ITGB6: variants seen among roughly 807,000 people sequenced by gnomAD.
ITGB6 encodes integrin beta-6.
A neutral mutation model predicts 84.5 loss-of-function variants in ITGB6; 80 were observed. The ratio of observed to expected loss-of-function variants is 0.95; its 90% confidence interval spans 0.79 to 1.14. The LOEUF (loss-of-function observed/expected upper bound fraction) is 1.14. Among genes scored for constraint, ITGB6 ranks in the 50% most tolerant of loss-of-function variants. The pLI is 0.00. For missense variants in ITGB6, 1,006 were observed against 968.0 expected (o/e 1.04, Z -0.52); for synonymous variants, 383 against 354.9 (o/e 1.08, Z -0.89).
intron 10 of ITGB6, among the ~76,000 whole-genome samples, chr2:160,137,025 C>T (rs1683761505): frequency 6.9e-6 from 1 of 144,628 alleles, no homozygotes. Context: ...ACATTGTGCA[C>T]ATGTACCCTA....
chr2:160,111,858 G>A (rs1559087908), intron 13 of ITGB6, among the ~76,000 whole-genome samples: 1 of 152,106 alleles, frequency 6.6e-6, no homozygotes, highest in Non-Finnish European at 1.5e-5. Flanking sequence ...GGGATTACAG[G>A]TGTGAGCCAC....
chr2:160,133,086 A>C (rs555342533), intron 10 of ITGB6, among the ~76,000 whole-genome samples: 2 of 152,104 alleles, frequency 1.3e-5, no homozygotes, highest in South Asian at 2.1e-4. Flanking sequence ...TACTTTTCCA[A>C]AGTCATATAC....
intron 4 of ITGB6, among the ~76,000 whole-genome samples, chr2:160,188,618 T>A (rs78963800): frequency 2.0e-5 from 3 of 152,014 alleles, no homozygotes; most frequent in Non-Finnish European, 2.9e-5. Flanking sequence ...TTTTTTTTTT[T>A]TGTTAGATGT....
intron 7 of ITGB6, among the ~76,000 whole-genome samples, chr2:160,147,868 CA>C (rs1684260107): frequency 6.6e-6 from 1 of 151,960 alleles, no homozygotes; most frequent in African/African-American, 2.4e-5. Flanking sequence ...CATAAAACTC[CA>C]AAAAGATAAT....
At chr2:160,180,409 G>A (rs1343718147) in intron 4 of ITGB6, among the ~76,000 whole-genome samples, 1 of 152,144 alleles carries the variant, frequency 6.6e-6, no homozygotes, top group Non-Finnish European at 1.5e-5. Flanking sequence ...GGGACTACAG[G>A]CATGTGCCAC....
At chr2:160,146,870 G>A (rs559788741) in intron 7 of ITGB6, among the ~76,000 whole-genome samples, 10 of 152,162 alleles carry the variant, frequency 6.6e-5, no homozygotes, top group Non-Finnish European at 1.2e-4. Flanking sequence ...GGAGGCTGAG[G>A]TGGGTATATC....
At chr2:160,130,350 A>C (rs181240200) in intron 10 of ITGB6, among the ~76,000 whole-genome samples, 64 of 152,230 alleles carry the variant, frequency 4.2e-4, no homozygotes, top group Non-Finnish European at 7.1e-4. Context: ...TATATACTCT[A>C]TATATACACA....
At chr2:160,126,324 G>A in intron 11 of ITGB6, 55 bp downstream of exon 11, 9 of 1,520,360 alleles carry the variant, frequency 5.9e-6, no homozygotes, top group Non-Finnish European at 8.2e-6. Context: ...GCCACTGTAA[G>A]TTTGATCACT....
Position 160,139,911 on chromosome 2 carries a change from C to T in ITGB6, c.1108-1712G>A, listed in dbSNP as rs527920064. 7.9e-4 allele frequency among the ~76,000 whole-genome samples: 120 copies of T among 152,200 alleles called. 1 individual carries two copies. The highest frequency in any genetic ancestry group is 2.6e-3 in the African/African-American group (109 of 41,536). On this transcript the variant is annotated intron_variant, in intron 8 of 14. Coordinates refer to ENST00000283249, the MANE Select transcript of ITGB6 (RefSeq NM_000888.5). The stretch of plus-strand genomic sequence containing the variant: ...TTAGTGAATGATGATCAGATAAGTA[C>T]ACATCGGTATTTAAGGTTTTTTTAA...
intron 7 of ITGB6, among the ~76,000 whole-genome samples, chr2:160,164,717 T>G (rs2105857394): frequency 6.6e-6 from 1 of 152,254 alleles, no homozygotes; most frequent in South Asian, 2.1e-4. Flanking sequence ...AAATCCCATT[T>G]TATATTTCTA....
chr2:160,106,719 C>A (rs1001321437), intron 14 of ITGB6, among the ~76,000 whole-genome samples: 1 of 152,122 alleles, frequency 6.6e-6, no homozygotes, highest in East Asian at 1.9e-4. Flanking sequence ...TTTAGAATAA[C>A]CGCATACAAC....
At chr2:160,132,223 T>C (rs895380765) in intron 10 of ITGB6, among the ~76,000 whole-genome samples, 1 of 152,152 alleles carries the variant, frequency 6.6e-6, no homozygotes, top group African/African-American at 2.4e-5. Flanking sequence ...AGAGGACTGA[T>C]GTGGGTTTGG....
intron 4 of ITGB6, among the ~76,000 whole-genome samples, chr2:160,189,016 T>C (rs1686028842): frequency 6.6e-6 from 1 of 152,004 alleles, no homozygotes; most frequent in Non-Finnish European, 1.5e-5. Context: ...TATAGACCAA[T>C]GGAACAGAAC....
intron 7 of ITGB6, among the ~76,000 whole-genome samples, chr2:160,152,726 A>G (rs1389503403): frequency 6.6e-6 from 1 of 152,208 alleles, no homozygotes; most frequent in Non-Finnish European, 1.5e-5. Flanking sequence ...AATCTCCTTA[A>G]GCTGATAAGC....
intron 7 of ITGB6, among the ~76,000 whole-genome samples, chr2:160,160,059 C>T (rs187021796): frequency 2.8e-4 from 42 of 152,246 alleles, no homozygotes; most frequent in East Asian, 2.7e-3. Context: ...CTATGTCCCA[C>T]GGGCCATATT....
intron 4 of ITGB6, among the ~76,000 whole-genome samples, chr2:160,184,649 T>C (rs1685820678): frequency 1.3e-5 from 2 of 152,240 alleles, no homozygotes; most frequent in Admixed American, 1.3e-4. Flanking sequence ...ATCATCCTAA[T>C]ACACAAGCCT....
chr2:160,176,184 G>A (rs2105873278), intron 4 of ITGB6, among the ~76,000 whole-genome samples: 1 of 152,274 alleles, frequency 6.6e-6, no homozygotes, highest in South Asian at 2.1e-4. Context: ...GATGTTCTTG[G>A]TCACTTCTGA....
At chr2:160,103,262 T>A (rs957334088) in intron 14 of ITGB6, among the ~76,000 whole-genome samples, 3 of 152,128 alleles carry the variant, frequency 2.0e-5, no homozygotes, top group African/African-American at 7.2e-5. Flanking sequence ...TCGGAAACAC[T>A]CCCCGGTCTT....
rs1245599291 is a variant in ITGB6, at chr2:160,165,493, TTC to T, written c.1017+3717_1017+3718del. ...ATAGCAAAGGGGTCCAATTTTTATT[TTC>T]TCTCTCTATTTTCTCTGCCTCTTTT... On this transcript the variant is annotated intron_variant, in intron 7 of 14. Coordinates refer to ENST00000283249, the MANE Select transcript of ITGB6 (RefSeq NM_000888.5). Among the ~76,000 whole-genome samples, 3 of 152,358 alleles carry T rather than the reference TTC, an allele frequency of 2.0e-5. No homozygotes were observed. In the South Asian group the frequency reaches 6.2e-4, roughly 32 times the overall value.
Sources: allele counts gnomAD v4.1 joint callset (sites outside exome capture counted in the v4.1 genomes callset), GRCh38; gene constraint gnomAD v4.1.1; transcripts MANE v1.5; gene names NCBI Gene and HGNC (gene_info 2026-07-23, HGNC 2026-07-21).